BOC: variants seen among roughly 807,000 people sequenced by gnomAD.
The protein encoded by BOC is BOC cell adhesion associated, oncogene regulated.
BOC carries 76 observed loss-of-function variants against 112.0 expected under a neutral mutation model. The observed-to-expected ratio is 0.68, with a 90% CI of 0.56 to 0.82. The LOEUF is 0.82. Among genes scored for constraint, BOC ranks in the 40% least tolerant of loss-of-function variants. The pLI is 0.00. For missense variants in BOC, 1,309 were observed against 1,511.7 expected (o/e 0.87, Z 2.22); for synonymous variants, 580 against 599.8 (o/e 0.97, Z 0.48).
At chr3:113,275,538 T>C (rs1239512665) in intron 9 of BOC, among the ~76,000 whole-genome samples, 1 of 152,266 alleles carries the variant, frequency 6.6e-6, no homozygotes, top group Admixed American at 6.5e-5. Flanking sequence ...TCCAAGTATA[T>C]GCCATTTTCT....
chr3:113,276,364 G>A (rs1451874310), intron 9 of BOC, among the ~76,000 whole-genome samples: 2 of 152,102 alleles, frequency 1.3e-5, no homozygotes, highest in Non-Finnish European at 2.9e-5. Flanking sequence ...TCATTTCTGG[G>A]CCCAGTGGAA....
chr3:113,256,369 C>A (rs1257609256), intron 4 of BOC, among the ~76,000 whole-genome samples: 2 of 152,178 alleles, frequency 1.3e-5, no homozygotes, highest in South Asian at 4.1e-4. Flanking sequence ...AGATTCCCAC[C>A]CCAGCCGCCT....
intron 14 of BOC, 72 bp from the exon 15 acceptor site, chr3:113,280,959 C>G: frequency 6.3e-7 from 1 of 1,581,818 alleles, no homozygotes; most frequent in Non-Finnish European, 8.6e-7. Flanking sequence ...CCAGCTGAGT[C>G]TGACTATGAG....
At chr3:113,214,820 C>T (rs145253960) in intron 1 of BOC, among the ~76,000 whole-genome samples, 1 of 152,318 alleles carries the variant, frequency 6.6e-6, no homozygotes, top group African/African-American at 2.4e-5. Flanking sequence ...GTGCATCAGG[C>T]ACCAGGCTGA....
Position 113,274,628 on chromosome 3 carries a change from G to T in BOC, c.1488G>T (p.Arg496=), listed in dbSNP as rs775719251. 28 of 1,610,334 alleles carry T rather than the reference G, an allele frequency of 1.7e-5. No individual in the cohort carries two copies. Among genetic ancestry groups the T allele is most frequent in the Non-Finnish European group, 2.4e-5 (28 of 1,177,478 alleles). The change falls in exon 9 of 20, where the codon CGG becomes CGT. Residue 496 remains arginine, a synonymous_variant. Coordinates refer to ENST00000682979, the MANE Select transcript of BOC (RefSeq NM_001378074.1). This position sits in a 1 kb window ranked among gnomAD's most constrained non-coding sequence, Gnocchi z 4.8. ...CATATGAACTGGTGTGGCGGCCTCG[G>T]CATGAGGGCAGTGGCCGGGCGCCAA... ...TDSYELVWRP[R]HEGSGRAPIL...
chr3:113,279,913 T>G lies in BOC; in HGVS notation c.2113T>G (p.Tyr705Asp). The G allele has an allele frequency of 6.2e-7, 1 of 1,614,056 alleles. No individual in the cohort carries two copies. Residue 705 changes from tyrosine (Y) to aspartate (D), a missense_variant, in exon 13 of 20, where the codon TAC becomes GAC. Coordinates refer to ENST00000682979, the MANE Select transcript of BOC (RefSeq NM_001378074.1). ...CTCTCGGCCCTACGTGGTGTCGGGC[T>G]ACAGCGGTCGCGTGTACGAGAGGCC... ...APSRPYVVSG[Y>D]SGRVYERPVA...
intron 2 of BOC, among the ~76,000 whole-genome samples, chr3:113,228,934 G>A (rs6799473): frequency 6.6e-6 from 1 of 151,932 alleles, no homozygotes; most frequent in Admixed American, 6.5e-5. Context: ...CTGCTCCTCC[G>A]CTCCCATACA....
intron 2 of BOC, among the ~76,000 whole-genome samples, chr3:113,242,134 A>T (rs989313124): frequency 6.6e-6 from 1 of 152,088 alleles, no homozygotes; most frequent in African/African-American, 2.4e-5. Context: ...AAAAAAAAAA[A>T]AGAAAAGAGA....
Position 113,279,991 on chromosome 3 carries a change from A to G in BOC, c.2191A>G (p.Met731Val). ...GGATGCGGTCAATGAGACCACCATC[A>G]TGCTCAAGTGGATGGTAAGCGGGCC... The part of the protein sequence containing the change: ...FTDAVNETTI[M>V]LKWMYIPASN... Residue 731 changes from methionine (M) to valine (V), a missense_variant, in exon 13 of 20, where the codon ATG becomes GTG. Physicochemically the swap from Met to Val is conservative, Grantham distance 21 (BLOSUM62 1). Transcript: ENST00000682979. The G allele has an allele frequency of 1.2e-6, 2 of 1,609,144 alleles. No homozygotes were observed. Among genetic ancestry groups the G allele is most frequent in the South Asian group, 2.2e-5 (2 of 90,434 alleles).
intron 2 of BOC, among the ~76,000 whole-genome samples, chr3:113,235,678 A>C (rs1392509992): frequency 6.6e-6 from 1 of 152,194 alleles, no homozygotes; most frequent in Non-Finnish European, 1.5e-5. Context: ...GACATTAGGA[A>C]CTACATCTTG....
intron 2 of BOC, among the ~76,000 whole-genome samples, chr3:113,218,711 A>C (rs142801343): frequency 1.3e-5 from 2 of 152,380 alleles, no homozygotes; most frequent in African/African-American, 4.8e-5. Flanking sequence ...AATCACCTGC[A>C]ACCCTGCCTT....
rs1255742022 is a variant in BOC, at chr3:113,211,957, G to T, written c.-229G>T. 1 of 152,370 alleles carries T rather than the reference G, an allele frequency of 6.6e-6. No individual in the cohort carries two copies. Among genetic ancestry groups the T allele is most frequent in the Non-Finnish European group, 1.5e-5 (1 of 68,194 alleles). The allele number at this position is 152,370 out of a possible 1,614,324, so 9.4% of individuals were successfully genotyped here. A position where few individuals can be genotyped will look rare whatever the true frequency, so the allele number is the denominator to read the frequency against. On this transcript the variant is annotated 5_prime_UTR_variant, in exon 1 of 20. Coordinates refer to ENST00000682979, the MANE Select transcript of BOC (RefSeq NM_001378074.1). The stretch of plus-strand genomic sequence containing the variant: ...GCGCGGCGCTGTGTGGCTCCCTCGC[G>T]CCCACCACGCTGGCCCCCGGGCCCC...
intron 2 of BOC, among the ~76,000 whole-genome samples, chr3:113,244,873 G>A (rs962709123): frequency 1.5e-4 from 23 of 152,174 alleles, no homozygotes; most frequent in African/African-American, 3.6e-4. Flanking sequence ...CTTTGAAACC[G>A]TTTCTAGCCA....
In BOC at chr3:113,249,822, C is replaced by T. The variant is rs780752045; in HGVS notation, c.20C>T (p.Thr7Met). 55 of 1,612,910 alleles carry T rather than the reference C, an allele frequency of 3.4e-5. No homozygotes were observed. Among genetic ancestry groups the T allele is most frequent in the Admixed American group, 2.3e-4 (14 of 59,638 alleles). The change falls in exon 3 of 20, where the codon ACG becomes ATG. Residue 7 changes from threonine to methionine, a missense_variant. Physicochemically the swap from Thr to Met is moderately conservative, Grantham distance 81 (BLOSUM62 -1). Coordinates refer to ENST00000682979, the MANE Select transcript of BOC (RefSeq NM_001378074.1). ...TACACCATGCTGCGTGGGACGATGA[C>T]GGCGTGGAGAGGAATGAGGCCTGAG... MLRGTM[T>M]AWRGMRPEVT... is the part of the protein sequence containing the mutation.
Position 113,262,025 on chromosome 3 carries a change from T to C in BOC, c.377-6274T>C, listed in dbSNP as rs192659648. On this transcript the variant is annotated intron_variant, in intron 4 of 19. Coordinates refer to ENST00000682979, the MANE Select transcript of BOC (RefSeq NM_001378074.1). ...CCCCATGGAAACTGTTTTCTTTAAA[T>C]AAAAAAGAGCATGCCTTGCTTTCAT... is the stretch of plus-strand genomic sequence containing the variant. 205 of 152,178 alleles carry C rather than the reference T, an allele frequency of 1.3e-3. 1 individual carries two copies. The highest frequency in any genetic ancestry group is 4.7e-3 in the African/African-American group (195 of 41,532). 9.4% of individuals were successfully genotyped at this position (152,178 alleles called of 1,614,324 possible).
chr3:113,264,591 C>T (rs904299343), intron 4 of BOC, among the ~76,000 whole-genome samples: 11 of 152,194 alleles, frequency 7.2e-5, no homozygotes, highest in African/African-American at 2.4e-4. Flanking sequence ...TAGAGCTCCT[C>T]TCTGCATCTG....
intron 1 of BOC, 75 bp downstream of exon 1, chr3:113,212,091 G>A (rs934364766): frequency 6.6e-6 from 1 of 151,790 alleles, no homozygotes; most frequent in Non-Finnish European, 1.5e-5. Flanking sequence ...AGAGGAGGGG[G>A]CGGGAGGCGG....
intron 4 of BOC, among the ~76,000 whole-genome samples, chr3:113,259,709 T>G (rs1315858326): frequency 6.6e-6 from 1 of 152,052 alleles, no homozygotes; most frequent in Non-Finnish European, 1.5e-5. Context: ...ACATCCAAAT[T>G]AAAGGATGAT....
intron 2 of BOC, among the ~76,000 whole-genome samples, chr3:113,241,024 G>A (rs561802847): frequency 6.6e-6 from 1 of 152,342 alleles, no homozygotes; most frequent in Admixed American, 6.5e-5. Context: ...AGACTTGGCA[G>A]GCTGGTGCGT....
Sources: allele counts gnomAD v4.1 joint callset (sites outside exome capture counted in the v4.1 genomes callset), GRCh38; gene constraint gnomAD v4.1.1; non-coding constraint Gnocchi (gnomAD v3.1); transcripts MANE v1.5; gene names NCBI Gene and HGNC (gene_info 2026-07-23, HGNC 2026-07-21).